TMTC1: variants seen among roughly 807,000 people sequenced by gnomAD.
The protein encoded by TMTC1 is protein O-mannosyl-transferase TMTC1.
Under a neutral mutation model 104.8 loss-of-function variants are expected in TMTC1, and 73 were observed. That is an observed-to-expected ratio of 0.70 (90% CI 0.58 to 0.85). TMTC1 has a LOEUF of 0.85. Ranked by LOEUF, TMTC1 falls within the 40% of genes least tolerant of loss-of-function variation. The pLI, the probability that TMTC1 is intolerant of heterozygous loss-of-function variation, is 0.00. For missense variants in TMTC1, 1,035 were observed against 1,096.1 expected, an observed-to-expected ratio of 0.94 and a Z score of 0.79; for synonymous variants, 434 against 428.7, an observed-to-expected ratio of 1.01 and a Z score of -0.15.
At chr12:29,710,926 A>ATATAT (rs1941902975) in intron 5 of TMTC1, among the ~76,000 whole-genome samples, 1 of 11,930 alleles carries the variant, frequency 8.4e-5, no homozygotes. Context: ...AATATATATA[A>ATATAT]ATATATTAAT....
At chr12:29,617,530 A>AGAT (rs1259495952) in intron 6 of TMTC1, among the ~76,000 whole-genome samples, 4 of 127,856 alleles carry the variant, frequency 3.1e-5, no homozygotes, top group East Asian at 2.1e-4. Flanking sequence ...TAAGCAAAAC[A>AGAT]GACAACAGAG....
At chr12:29,512,310 A>T (rs1416169630) in intron 16 of TMTC1, among the ~76,000 whole-genome samples, 190 bp from the exon 17 acceptor site, 1 of 152,208 alleles carries the variant, frequency 6.6e-6, no homozygotes, top group Non-Finnish European at 1.5e-5. Context: ...AGGAAACTGA[A>T]ATGTATAATT....
At chr12:29,618,664 A>T (rs1416743968) in intron 6 of TMTC1, among the ~76,000 whole-genome samples, 1 of 152,096 alleles carries the variant, frequency 6.6e-6, no homozygotes, top group Non-Finnish European at 1.5e-5. Flanking sequence ...TCACCTAAAG[A>T]ATCTGACAGT....
chr12:29,755,642 A>G (rs904846288), intron 4 of TMTC1, 67 bp downstream of exon 4: 1 of 1,399,582 alleles, frequency 7.1e-7, no homozygotes, highest in South Asian at 1.3e-5. Flanking sequence ...GGAAGTTTGG[A>G]AACTATTAAG....
chr12:29,574,119 T>G (rs1261231276), intron 8 of TMTC1, among the ~76,000 whole-genome samples: 1 of 152,004 alleles, frequency 6.6e-6, no homozygotes, highest in Non-Finnish European at 1.5e-5. Context: ...GAAGCAGAGG[T>G]GGCAGGTGGC....
In TMTC1 at chr12:29,677,519, C is replaced by G. The variant is rs535817949; in HGVS notation, c.939-44183G>C. Among the ~76,000 whole-genome samples, 27 of 152,294 alleles carry G rather than the reference C, an allele frequency of 1.8e-4. No homozygotes were observed. In the South Asian group the frequency reaches 3.3e-3, roughly 19 times the overall value. ...AAAGACAACTATTCCATCGTTATAC[C>G]GCGGTAGCCCCCTTTATCTGCAGTT... On this transcript the variant is annotated intron_variant, in intron 5 of 17. Coordinates refer to ENST00000539277, the MANE Select transcript of TMTC1 (RefSeq NM_001193451.2).
intron 5 of TMTC1, among the ~76,000 whole-genome samples, chr12:29,699,648 GCTT>G (rs1175508380): frequency 0.014 from 1,824 of 128,304 alleles, 40 homozygotes; most frequent in African/African-American, 0.05. Context: ...TTCATCTGGT[GCTT>G]TTTTTTTTTT....
intron 2 of TMTC1, among the ~76,000 whole-genome samples, chr12:29,765,220 A>C (rs1943436570): frequency 2.0e-5 from 3 of 152,128 alleles, no homozygotes; most frequent in Admixed American, 6.5e-5. Context: ...CATATCAAAA[A>C]TTTTTCATCA....
At chr12:29,641,690 A>G (rs1185413027) in intron 5 of TMTC1, among the ~76,000 whole-genome samples, 1 of 151,794 alleles carries the variant, frequency 6.6e-6, no homozygotes, top group Non-Finnish European at 1.5e-5. Flanking sequence ...GCTCTTCAAT[A>G]CCCCCCCAAA....
chr12:29,565,261 A>C (rs1378945476), intron 9 of TMTC1, among the ~76,000 whole-genome samples: 1 of 152,214 alleles, frequency 6.6e-6, no homozygotes, highest in Non-Finnish European at 1.5e-5. Flanking sequence ...GCCTACCCAC[A>C]TTCTGGAGGA....
chr12:29,605,696 T>TGA (rs1376635550), intron 6 of TMTC1, among the ~76,000 whole-genome samples: 12 of 152,224 alleles, frequency 7.9e-5, no homozygotes, highest in African/African-American at 2.9e-4. Context: ...ACTGTATAGT[T>TGA]TATTTATTTG....
chr12:29,501,777 GC>G lies in TMTC1; in HGVS notation c.*5068del, dbSNP rs1286054468. 1 of 152,008 alleles carries G rather than the reference GC, an allele frequency of 6.6e-6. No individual in the cohort carries two copies. The highest frequency in any genetic ancestry group is 6.6e-5 in the Admixed American group (1 of 15,258). 9.4% of individuals were successfully genotyped at this position (152,008 alleles called of 1,614,324 possible). A position where few individuals can be genotyped will look rare whatever the true frequency, so the allele number is the denominator to read the frequency against. On this transcript the variant is annotated 3_prime_UTR_variant, in exon 18 of 18. Transcript: ENST00000539277. ...TGGATGCTGATTTTATGAGTTACAGGCCCTAAAGATTTTAATTGAAAAGATC... is the reference window on the plus strand; with the variant it reads ...TGGATGCTGATTTTATGAGTTACAGGCCTAAAGATTTTAATTGAAAAGATC...
chr12:29,571,081 G>C (rs7310895), intron 9 of TMTC1, among the ~76,000 whole-genome samples: 33,757 of 151,944 alleles, frequency 0.22, 3,900 homozygotes, highest in East Asian at 0.38. Context: ...TGCATGATTT[G>C]GTTGGTAGAC....
chr12:29,727,437 C>T (rs1054976550), intron 5 of TMTC1, among the ~76,000 whole-genome samples: 5 of 152,020 alleles, frequency 3.3e-5, no homozygotes, highest in Non-Finnish European at 5.9e-5. Flanking sequence ...AGTGCAGTGG[C>T]GCTATCTTGG....
intron 7 of TMTC1, among the ~76,000 whole-genome samples, chr12:29,583,889 C>T (rs117128492): frequency 0.02 from 3,103 of 152,224 alleles, 37 homozygotes; most frequent in Middle Eastern, 0.065. Context: ...GCTCTTGGGT[C>T]CTGAATGGCT....
chr12:29,661,575 T>TCC (rs1940030854), intron 5 of TMTC1, among the ~76,000 whole-genome samples: 1 of 149,366 alleles, frequency 6.7e-6, no homozygotes, highest in African/African-American at 2.5e-5. Context: ...GTACTTTTTG[T>TCC]ATTTTTAGTA....
At chr12:29,728,725 G>C (rs898964074) in intron 5 of TMTC1, among the ~76,000 whole-genome samples, 1 of 151,840 alleles carries the variant, frequency 6.6e-6, no homozygotes, top group Non-Finnish European at 1.5e-5. Flanking sequence ...CTGGCAAGGC[G>C]CAGTGGCTTA....
chr12:29,659,007 T>C (rs1379465157), intron 5 of TMTC1, among the ~76,000 whole-genome samples: 2 of 152,238 alleles, frequency 1.3e-5, no homozygotes, highest in African/African-American at 4.8e-5. Context: ...TCAGCATTAC[T>C]TCTTGACCCA....
chr12:29,512,924 A>G (rs1943880740), intron 16 of TMTC1, among the ~76,000 whole-genome samples: 1 of 152,138 alleles, frequency 6.6e-6, no homozygotes, highest in South Asian at 2.1e-4. Context: ...GTTCCTTGCT[A>G]TTTTCATTAG....
Sources: gnomAD v4.1 joint callset for allele counts (sites outside exome capture counted in the v4.1 genomes callset) on GRCh38, gnomAD v4.1.1 for gene constraint, MANE v1.5 for transcripts, NCBI Gene and HGNC (gene_info 2026-07-23, HGNC 2026-07-21) for gene names.